Variants in RPS6KC1 observed in about 807,000 individuals in gnomAD.
RPS6KC1 encodes the protein inactive ribosomal protein S6 kinase delta-1.
Under a neutral mutation model 103.8 loss-of-function variants are expected in RPS6KC1, and 54 were observed. The ratio of observed to expected loss-of-function variants is 0.52; its 90% CI spans 0.42 to 0.65. The LOEUF (loss-of-function observed/expected upper bound fraction) is 0.65. RPS6KC1 is among the 30% of genes least tolerant of loss of function. The pLI is 0.00. For missense variants in RPS6KC1, 1,151 were observed against 1,253.8 expected (o/e 0.92, Z 1.24); for synonymous variants, 439 against 438.7 (o/e 1.00, Z -0.01).
chr1:213,073,768 C>T (rs1422424953), intron 2 of RPS6KC1, among the ~76,000 whole-genome samples: 1 of 152,064 alleles, frequency 6.6e-6, no homozygotes, highest in African/African-American at 2.4e-5. Flanking sequence ...CTCGGCCTCC[C>T]GGGCTCAAGT....
At chr1:213,409,861 C>T in the RPS6KC1 span, among the ~76,000 whole-genome samples, 8 of 152,168 alleles carry the variant, frequency 5.3e-5, no homozygotes, top group African/African-American at 1.7e-4. Context: ...GTTTATGATA[C>T]TACAGTGTTA....
chr1:213,808,106 C>T, the RPS6KC1 span, among the ~76,000 whole-genome samples: 9 of 152,254 alleles, frequency 5.9e-5, no homozygotes, highest in East Asian at 5.8e-4. Flanking sequence ...TCGTGAACTG[C>T]GAATGCTGCT....
the RPS6KC1 span, among the ~76,000 whole-genome samples, chr1:213,402,362 T>C: frequency 6.6e-6 from 1 of 152,234 alleles, no homozygotes; most frequent in African/African-American, 2.4e-5. Flanking sequence ...GTGGTACCTC[T>C]AAGTCCCAGG....
the RPS6KC1 span, among the ~76,000 whole-genome samples, chr1:213,613,943 T>C: frequency 6.6e-6 from 1 of 152,308 alleles, no homozygotes; most frequent in South Asian, 2.1e-4. Context: ...AAGGAATAAA[T>C]GTCCAAGACA....
the RPS6KC1 span, among the ~76,000 whole-genome samples, chr1:213,703,037 G>A: frequency 3.3e-5 from 5 of 151,750 alleles, no homozygotes; most frequent in Non-Finnish European, 5.9e-5. Context: ...CTTCCTTTTA[G>A]TACAAGTGAT....
chr1:213,554,793 G>C, the RPS6KC1 span, among the ~76,000 whole-genome samples: 1 of 152,006 alleles, frequency 6.6e-6, no homozygotes, highest in African/African-American at 2.4e-5. Flanking sequence ...TGCTTCCTTT[G>C]CTCTGGTCTC....
chr1:213,100,250 C>T (rs1258611338), intron 3 of RPS6KC1, among the ~76,000 whole-genome samples: 1 of 150,476 alleles, frequency 6.6e-6, no homozygotes, highest in Non-Finnish European at 1.5e-5. Flanking sequence ...ATTAGCCACT[C>T]ATATATCCTT....
chr1:213,834,808 C>A, the RPS6KC1 span, among the ~76,000 whole-genome samples: 1 of 152,002 alleles, frequency 6.6e-6, no homozygotes, highest in South Asian at 2.1e-4. Flanking sequence ...GACTGTTTTC[C>A]GCATTCTGTA....
chr1:213,302,571 C>T, the RPS6KC1 span, among the ~76,000 whole-genome samples: 1 of 152,238 alleles, frequency 6.6e-6, no homozygotes, highest in African/African-American at 2.4e-5. Context: ...GATTAAGCAT[C>T]GCTTCCTGAG....
chr1:213,192,203 A>G (rs2092774080), intron 8 of RPS6KC1, among the ~76,000 whole-genome samples: 1 of 152,128 alleles, frequency 6.6e-6, no homozygotes. Context: ...ATTTATTTGC[A>G]TATGTTGAAT....
chr1:213,486,799 T>C, the RPS6KC1 span, among the ~76,000 whole-genome samples: 2 of 152,192 alleles, frequency 1.3e-5, no homozygotes, highest in African/African-American at 4.8e-5. Flanking sequence ...GTAGTCAAGA[T>C]ACGGGCCCAG....
chr1:213,097,736 G>C (rs566640588), intron 3 of RPS6KC1, among the ~76,000 whole-genome samples: 40 of 152,242 alleles, frequency 2.6e-4, no homozygotes, highest in African/African-American at 9.2e-4. Flanking sequence ...AATGATTTTC[G>C]CTAGATCTTC....
the RPS6KC1 span, among the ~76,000 whole-genome samples, chr1:213,696,031 C>T: frequency 6.6e-6 from 1 of 152,158 alleles, no homozygotes; most frequent in Admixed American, 6.5e-5. Flanking sequence ...ACTTGGACTC[C>T]TCCAGAGCTT....
At chr1:213,583,130 T>C in the RPS6KC1 span, among the ~76,000 whole-genome samples, 1 of 152,232 alleles carries the variant, frequency 6.6e-6, no homozygotes, top group Admixed American at 6.5e-5. Flanking sequence ...TTCCGATGCG[T>C]GGACACTCAC....
chr1:213,555,984 T>C, the RPS6KC1 span, among the ~76,000 whole-genome samples: 1 of 152,220 alleles, frequency 6.6e-6, no homozygotes, highest in Non-Finnish European at 1.5e-5. Flanking sequence ...AATCTCCTTC[T>C]TCAAAAATCA....
At chr1:213,566,573 C>G in the RPS6KC1 span, among the ~76,000 whole-genome samples, 7 of 147,166 alleles carry the variant, frequency 4.8e-5, no homozygotes, top group East Asian at 1.3e-3. Context: ...ATTTTGCTCC[C>G]TTTTTTCACA....
the RPS6KC1 span, among the ~76,000 whole-genome samples, chr1:213,581,822 G>T: frequency 6.6e-6 from 1 of 151,962 alleles, no homozygotes; most frequent in African/African-American, 2.4e-5. Context: ...GCTTTTTCAG[G>T]CTTCTGTGCC....
chr1:213,773,049 C>T, the RPS6KC1 span, among the ~76,000 whole-genome samples: 1 of 152,150 alleles, frequency 6.6e-6, no homozygotes, highest in Non-Finnish European at 1.5e-5. Context: ...AAAGCCTTTT[C>T]CCCTTCAGTC....
chr1:213,551,085 T>G, the RPS6KC1 span, among the ~76,000 whole-genome samples: 2 of 152,130 alleles, frequency 1.3e-5, no homozygotes, highest in African/African-American at 4.8e-5. Flanking sequence ...CTCTGCAGAA[T>G]TTTTTATTTC....
Sources: allele counts gnomAD v4.1 joint callset (sites outside exome capture counted in the v4.1 genomes callset), GRCh38; gene constraint gnomAD v4.1.1; transcripts MANE v1.5; gene names NCBI Gene and HGNC (gene_info 2026-07-23, HGNC 2026-07-21).